The following CFAP77 variants were observed in gnomAD, a reference collection of about 807,000 sequenced individuals.
CFAP77 encodes cilia and flagella associated protein 77, also known as cilia- and flagella-associated protein 77.
Under a neutral mutation model 31.1 loss-of-function variants are expected in CFAP77, and 25 were observed. The observed-to-expected ratio is 0.80, with a 90% confidence interval of 0.59 to 1.12. The LOEUF (loss-of-function observed/expected upper bound fraction) is 1.12. Ranked by LOEUF, CFAP77 falls within the 50% of genes most tolerant of loss-of-function variation. CFAP77 has a pLI of 0.00. For missense variants in CFAP77, 377 were observed against 397.3 expected (o/e 0.95, Z 0.44); for synonymous variants, 151 against 159.9 (o/e 0.94, Z 0.42).
intron 3 of CFAP77, among the ~76,000 whole-genome samples, chr9:132,502,294 A>T (rs1404605070): frequency 7.2e-6 from 1 of 138,136 alleles, no homozygotes; most frequent in Non-Finnish European, 1.6e-5. Flanking sequence ...GGGGGGTGGT[A>T]GTTCCTTCTT....
In CFAP77 at chr9:132,565,367, C is replaced by T. The variant is rs935561229; in HGVS notation, c.733-7021C>T. Reference sequence around the variant, plus strand: ...CTTGTCGGCCTGGTGCCGTGGCTCACGCCTGTAATCCCAGCACTTTGGGAG... The same window carrying T: ...CTTGTCGGCCTGGTGCCGTGGCTCATGCCTGTAATCCCAGCACTTTGGGAG... On this transcript the variant is annotated intron_variant, in intron 5 of 5. Transcript: ENST00000393216. The surrounding 1 kb of genome is among the most constrained non-coding windows in gnomAD (Gnocchi z 4.1). Among the ~76,000 whole-genome samples the T allele has an allele frequency of 2.6e-5, 4 of 152,070 alleles. No homozygotes were observed. The highest frequency in any genetic ancestry group is 6.6e-5 in the Admixed American group (1 of 15,256).
intron 3 of CFAP77, among the ~76,000 whole-genome samples, chr9:132,533,504 T>C (rs1054982119): frequency 6.7e-6 from 1 of 149,642 alleles, no homozygotes; most frequent in African/African-American, 2.6e-5. Flanking sequence ...TGCTGGCGGC[T>C]CCAGGCGTTT....
Position 132,552,460 on chromosome 9 carries a change from C to A in CFAP77, c.732+9413C>A, listed in dbSNP as rs1480590184. Among the ~76,000 whole-genome samples the A allele has an allele frequency of 6.6e-6, 1 of 152,142 alleles. No homozygotes were observed. On this transcript the variant is annotated intron_variant, in intron 5 of 5. Coordinates refer to ENST00000393216, the MANE Select transcript of CFAP77 (RefSeq NM_001282957.2). The surrounding 1 kb of genome is among the most constrained non-coding windows in gnomAD (Gnocchi z 5.5). ...TGTAATCTCCCAGCACTTTGGGAGG[C>A]CAAGGCGGGAGGATCACTTCAGCTC...
At chr9:132,422,013 C>CTTTTTTTTTTTTTTT (rs1234375855) in intron 1 of CFAP77, among the ~76,000 whole-genome samples, 1 of 143,810 alleles carries the variant, frequency 7.0e-6, no homozygotes, top group African/African-American at 2.5e-5. Flanking sequence ...TCCCAGGTGG[C>CTTTTTTTTTTTTTTT]TTTTTTTTTT....
At chr9:132,543,444 G>T (rs114338751) in intron 5 of CFAP77, among the ~76,000 whole-genome samples, 3,238 of 152,044 alleles carry the variant, frequency 0.021, 117 homozygotes, top group African/African-American at 0.074. Context: ...GGGGAAGGAG[G>T]CTGTCCACCT....
intron 1 of CFAP77, among the ~76,000 whole-genome samples, chr9:132,453,009 G>A (rs558452675): frequency 6.6e-6 from 1 of 152,192 alleles, no homozygotes; most frequent in African/African-American, 2.4e-5. Context: ...GCAGAGAAAA[G>A]CATTAGACTC....
At chr9:132,537,970 G>A (rs544857832) in intron 4 of CFAP77, among the ~76,000 whole-genome samples, 2 of 152,112 alleles carry the variant, frequency 1.3e-5, no homozygotes, top group African/African-American at 2.4e-5. Flanking sequence ...GACCCTGAGC[G>A]GGGATGAGAA....
intron 5 of CFAP77, among the ~76,000 whole-genome samples, chr9:132,556,664 G>A (rs750868513): frequency 9.2e-5 from 14 of 152,182 alleles, no homozygotes; most frequent in Non-Finnish European, 1.3e-4. Context: ...CTGGCCCCGC[G>A]GTGCACCGCC....
intron 1 of CFAP77, among the ~76,000 whole-genome samples, chr9:132,467,686 C>T (rs1204698511): frequency 6.6e-6 from 1 of 152,108 alleles, no homozygotes; most frequent in Admixed American, 6.6e-5. Flanking sequence ...TGAGTTTCTG[C>T]TGTCACTTCT....
chr9:132,514,046 TC>T lies in CFAP77; in HGVS notation c.524+14452del, dbSNP rs58973374. On this transcript the variant is annotated intron_variant, in intron 3 of 5. Coordinates refer to ENST00000393216, the MANE Select transcript of CFAP77 (RefSeq NM_001282957.2). ...CTGAACACGGGTGACAGTGAGGAGATCCCCCCGTCTTGTGTCCCTGACCACA... is the reference window on the plus strand; with the variant it reads ...CTGAACACGGGTGACAGTGAGGAGATCCCCCGTCTTGTGTCCCTGACCACA... Among the ~76,000 whole-genome samples the T allele has an allele frequency of 9.0e-4, 110 of 121,960 alleles. 7 individuals are homozygous for T. Among genetic ancestry groups the T allele is most frequent in the African/African-American group, 3.2e-3 (108 of 33,868 alleles). 80.0% of individuals were successfully genotyped at this position (121,960 alleles called of 152,430 possible). A position where few individuals can be genotyped will look rare whatever the true frequency, so the allele number is the denominator to read the frequency against.
At chr9:132,561,567 C>T (rs1165684515) in intron 5 of CFAP77, among the ~76,000 whole-genome samples, 2 of 146,292 alleles carry the variant, frequency 1.4e-5, no homozygotes, top group African/African-American at 2.5e-5. Flanking sequence ...ATTTGTACAG[C>T]GCCAGATTTG....
chr9:132,505,554 T>C (rs1424655227), intron 3 of CFAP77, among the ~76,000 whole-genome samples: 1 of 151,570 alleles, frequency 6.6e-6, no homozygotes, highest in Admixed American at 6.6e-5. Flanking sequence ...TGTGGCTAAA[T>C]CAATCCACAG....
intron 1 of CFAP77, among the ~76,000 whole-genome samples, chr9:132,496,131 C>G (rs1851738278): frequency 6.6e-6 from 1 of 151,980 alleles, no homozygotes; most frequent in Admixed American, 6.6e-5. Context: ...ATGGGGTATA[C>G]AAAAAAATCT....
intron 5 of CFAP77, among the ~76,000 whole-genome samples, chr9:132,562,376 G>A (rs565700187): frequency 2.6e-5 from 4 of 152,346 alleles, no homozygotes; most frequent in South Asian, 2.1e-4. Flanking sequence ...AGAGCCTGGC[G>A]TGACCTCTGA....
At chr9:132,509,300 C>A (rs1005368907) in intron 3 of CFAP77, among the ~76,000 whole-genome samples, 2 of 152,228 alleles carry the variant, frequency 1.3e-5, no homozygotes, top group African/African-American at 2.4e-5. Flanking sequence ...TAGCCCTTAG[C>A]GGCCTGAACA....
chr9:132,548,916 C>G (rs879762251), intron 5 of CFAP77, among the ~76,000 whole-genome samples: 10 of 152,146 alleles, frequency 6.6e-5, no homozygotes, highest in Non-Finnish European at 1.5e-4. Flanking sequence ...GTGCTCTGAA[C>G]GCTGGGATCA....
chr9:132,554,939 C>CCAT lies in CFAP77; in HGVS notation c.732+11893_732+11894insATC, dbSNP rs1852875369. Among the ~76,000 whole-genome samples, 3 of 146,570 alleles carry CCAT rather than the reference C, an allele frequency of 2.0e-5. No homozygotes were observed. Among genetic ancestry groups the CCAT allele is most frequent in the African/African-American group, 7.6e-5 (3 of 39,326 alleles). On this transcript the variant is annotated intron_variant, in intron 5 of 5. Coordinates refer to ENST00000393216, the MANE Select transcript of CFAP77 (RefSeq NM_001282957.2). The surrounding 1 kb of genome is among the most constrained non-coding windows in gnomAD (Gnocchi z 4.1). ...ATGCATGCATGCATCCATCCATCCACCCATCCATCCATCCATCCATCCATC... is the reference window on the plus strand; with the variant it reads ...ATGCATGCATGCATCCATCCATCCACCATCCATCCATCCATCCATCCATCCATC...
chr9:132,471,696 T>TGTTTC (rs1851262316), intron 1 of CFAP77, among the ~76,000 whole-genome samples: 1 of 151,406 alleles, frequency 6.6e-6, no homozygotes. Flanking sequence ...GTTTTTGTTT[T>TGTTTC]GTTTTGTTTT....
chr9:132,533,429 C>G (rs1053530640), intron 3 of CFAP77, among the ~76,000 whole-genome samples: 3 of 150,684 alleles, frequency 2.0e-5, no homozygotes, highest in South Asian at 4.1e-4. Flanking sequence ...AAGCATGAAA[C>G]AGGAGTCAGC....
Sources: gnomAD v4.1 joint callset for allele counts (sites outside exome capture counted in the v4.1 genomes callset) on GRCh38, gnomAD v4.1.1 for gene constraint, Gnocchi (gnomAD v3.1) non-coding constraint, MANE v1.5 for transcripts, NCBI Gene and HGNC (gene_info 2026-07-23, HGNC 2026-07-21) for gene names.